SUDS3: variants seen among roughly 807,000 people sequenced by gnomAD.
The protein encoded by SUDS3 is SIN3A corepressor complex component SDS3.
SUDS3 carries 23 observed loss-of-function variants against 53.5 expected under a neutral mutation model. That is an observed-to-expected ratio of 0.43 (90% CI 0.31 to 0.61). SUDS3 has a LOEUF of 0.61. Ranked by LOEUF, SUDS3 falls within the 20% of genes least tolerant of loss-of-function variation. The pLI is 0.10. For missense variants in SUDS3, 291 were observed against 405.9 expected, an observed-to-expected ratio of 0.72 and a Z score of 2.43; for synonymous variants, 150 against 148.5, an observed-to-expected ratio of 1.01 and a Z score of -0.08.
At chr12:118,378,266 A>G (rs2046020884) in intron 1 of SUDS3, among the ~76,000 whole-genome samples, 1 of 151,976 alleles carries the variant, frequency 6.6e-6, no homozygotes, top group Admixed American at 6.6e-5. Flanking sequence ...GAAAATATTT[A>G]TTTGTGTCAG....
intron 11 of SUDS3, among the ~76,000 whole-genome samples, chr12:118,412,765 CCCT>C (rs1238881966): frequency 1.7e-5 from 2 of 119,624 alleles, no homozygotes; most frequent in Non-Finnish European, 4.2e-5. Context: ...ATTGTTTTTC[CCCT>C]CTCTCTGCCG....
intron 5 of SUDS3, among the ~76,000 whole-genome samples, chr12:118,390,566 C>T (rs1014392214): frequency 2.0e-5 from 3 of 152,170 alleles, no homozygotes; most frequent in South Asian, 2.1e-4. Context: ...AGAAGGATCA[C>T]GTGATCAGCC....
intron 10 of SUDS3, among the ~76,000 whole-genome samples, chr12:118,405,744 G>T (rs1359215605): frequency 6.6e-6 from 1 of 152,156 alleles, no homozygotes; most frequent in Non-Finnish European, 1.5e-5. Context: ...TGGGAATACT[G>T]GCTGAGGTGT....
intron 6 of SUDS3, among the ~76,000 whole-genome samples, chr12:118,399,945 T>TGA (rs2046248958): frequency 1.3e-5 from 2 of 152,018 alleles, no homozygotes; most frequent in African/African-American, 4.8e-5. Flanking sequence ...ACCCCAAAGA[T>TGA]GATCAGTATT....
intron 11 of SUDS3, among the ~76,000 whole-genome samples, chr12:118,411,829 C>G (rs946864627): frequency 1.3e-5 from 2 of 152,134 alleles, no homozygotes; most frequent in African/African-American, 4.8e-5. Flanking sequence ...AGGTAACCAT[C>G]TACTGAGAAT....
At chr12:118,380,381 TATTTCAG>T in intron 2 of SUDS3, 150 bp downstream of exon 2, 1 of 679,452 alleles carries the variant, frequency 1.5e-6, no homozygotes, top group Non-Finnish European at 2.4e-6. Flanking sequence ...CTCATTGCAC[TATTTCAG>T]ATTTCAGATT....
At chr12:118,380,104 T>G in intron 1 of SUDS3, 58 bp from the exon 2 acceptor site, 1 of 1,401,038 alleles carries the variant, frequency 7.1e-7, no homozygotes, top group Admixed American at 1.9e-5. Flanking sequence ...CTGTGTCAGG[T>G]GACGCCAACT....
intron 6 of SUDS3, among the ~76,000 whole-genome samples, chr12:118,395,349 C>A (rs938471373): frequency 6.6e-6 from 1 of 151,188 alleles, no homozygotes; most frequent in Admixed American, 6.6e-5. Flanking sequence ...CCTCAACCTC[C>A]TGAGTAGCTG....
Position 118,382,307 on chromosome 12 carries a change from C to G in SUDS3, c.213-1705C>G, listed in dbSNP as rs1453810302. Among the ~76,000 whole-genome samples, 4 of 151,730 alleles carry G rather than the reference C, an allele frequency of 2.6e-5. No individual in the cohort carries two copies. In the East Asian group the frequency reaches 7.8e-4, roughly 29 times the overall value. ...AGATGATCTGCTTGCTTCAGCCTCC[C>G]ATCGTGTTGAGATTACAGGCCTGAG... On this transcript the variant is annotated intron_variant, in intron 2 of 11. Transcript: ENST00000543473.
chr12:118,380,000 C>T (rs756703504), intron 1 of SUDS3, among the ~76,000 whole-genome samples, 162 bp from the exon 2 acceptor site: 1 of 152,154 alleles, frequency 6.6e-6, no homozygotes, highest in Non-Finnish European at 1.5e-5. Flanking sequence ...ATAGGGATGG[C>T]CTACTAACTG....
At position 118,403,599 on chromosome 12, in the gene SUDS3, A is replaced by T; in HGVS notation, c.803+82A>T. On this transcript the variant is annotated intron_variant, in intron 10 of 11. Transcript: ENST00000543473. ...GGGCTGGGGCTATTGTAGTTATTTC[A>T]GATCACGGCTGCTGCTAAACTTACA... is the stretch of plus-strand genomic sequence containing the variant. 2.7e-6 allele frequency: 3 copies of T among 1,112,860 alleles called. No individual in the cohort carries two copies. The South Asian group carries it at 4.1e-5, about 15-fold the overall frequency. The allele number at this position is 1,112,860 out of a possible 1,614,324, so 68.9% of individuals were successfully genotyped here.
At chr12:118,403,684 C>T (rs936255847) in intron 10 of SUDS3, among the ~76,000 whole-genome samples, 167 bp downstream of exon 10, 15 of 152,230 alleles carry the variant, frequency 9.9e-5, no homozygotes, top group East Asian at 9.7e-4. Flanking sequence ...TCAATACTTC[C>T]GGTGGATCTT....
At chr12:118,411,870 G>A (rs1324472485) in intron 11 of SUDS3, among the ~76,000 whole-genome samples, 1 of 152,116 alleles carries the variant, frequency 6.6e-6, no homozygotes, top group Non-Finnish European at 1.5e-5. Context: ...ACTCCATCTT[G>A]GTTTTGTTTC....
chr12:118,400,624 G>T (rs775884318), intron 6 of SUDS3, 35 bp from the exon 7 acceptor site: 4 of 1,592,952 alleles, frequency 2.5e-6, no homozygotes, highest in South Asian at 2.2e-5. Flanking sequence ...TCAAGTGGGA[G>T]TTGGATAGAT....
intron 6 of SUDS3, among the ~76,000 whole-genome samples, chr12:118,393,579 G>A (rs1416516515): frequency 6.6e-6 from 1 of 152,140 alleles, no homozygotes; most frequent in African/African-American, 2.4e-5. Context: ...CAATGTGTTA[G>A]GTCAGTGGGG....
chr12:118,383,991 G>A (rs374376450), intron 2 of SUDS3, 21 bp from the exon 3 acceptor site: 1 of 1,581,952 alleles, frequency 6.3e-7, no homozygotes, highest in African/African-American at 1.4e-5. Context: ...ATCTGTTAGT[G>A]TGACTTTTTT....
At position 118,411,356 on chromosome 12, in the gene SUDS3, C is replaced by T. The variant is rs368803775; in HGVS notation, c.888+199C>T. Among the ~76,000 whole-genome samples, 70 of 152,344 alleles carry T rather than the reference C, an allele frequency of 4.6e-4. No individual in the cohort carries two copies. In the South Asian group the frequency reaches 0.014, roughly 31 times the overall value. ...AGTCCTTACATTCGCTTGACTACAACATATGCGGATTTGTCTATTCCATGG... is the reference window on the plus strand; with the variant it reads ...AGTCCTTACATTCGCTTGACTACAATATATGCGGATTTGTCTATTCCATGG... On this transcript the variant is annotated intron_variant, in intron 11 of 11. Transcript: ENST00000543473.
In SUDS3 at chr12:118,411,134, A is replaced by G; in HGVS notation, c.865A>G (p.Ile289Val). 1.3e-6 allele frequency: 2 copies of G among 1,599,520 alleles called. No individual in the cohort carries two copies. Among genetic ancestry groups the G allele is most frequent in the East Asian group, 2.2e-5 (1 of 44,446 alleles). ...GGACAACCAGAAACTGAGCTGCGTG[A>G]TCAGTTCTGTAGGAGCCAATGAGGT... is the stretch of plus-strand genomic sequence containing the variant. ...SKDNQKLSCV[I>V]SSVGANEIWV... Residue 289 changes from isoleucine to valine, a missense_variant, in exon 11 of 12, where the codon ATC becomes GTC. Physicochemically the swap from Ile to Val is conservative, Grantham distance 29. This residue lies in a region of SUDS3 where 77 missense variants were observed against 87.1 expected (regional missense o/e 0.88). Transcript: ENST00000543473.
At chr12:118,383,970 T>G in intron 2 of SUDS3, 42 bp from the exon 3 acceptor site, 1 of 1,571,096 alleles carries the variant, frequency 6.4e-7, no homozygotes, top group Non-Finnish European at 8.7e-7. Context: ...AATTGAGTAT[T>G]GAATGTTTTT....
Sources: gnomAD v4.1 joint callset for allele counts (sites outside exome capture counted in the v4.1 genomes callset) on GRCh38, gnomAD v4.1.1 for gene constraint, gnomAD v4.1.1 regional missense constraint, MANE v1.5 for transcripts, NCBI Gene and HGNC (gene_info 2026-07-23, HGNC 2026-07-21) for gene names.